Variants in CACNA1D observed in about 807,000 individuals in gnomAD.
The protein encoded by CACNA1D is voltage-dependent L-type calcium channel subunit alpha-1D.
A neutral mutation model predicts 257.1 loss-of-function variants in CACNA1D; 55 were observed. The observed-to-expected ratio is 0.21, with a 90% CI of 0.17 to 0.27. The LOEUF is 0.27. Among genes scored for constraint, CACNA1D ranks in the 10% least tolerant of loss-of-function variants. The probability of loss-of-function intolerance (pLI) is 1.00; values close to 1 mark genes in which losing one functional copy is unlikely to be tolerated. For synonymous variants in CACNA1D, 980 were observed against 1,014.9 expected (o/e 0.97, Z 0.65); for missense variants, 1,876 against 2,784.0 (o/e 0.67, Z 7.34).
chr3:53,732,244 A>G (rs1213311363), intron 18 of CACNA1D, among the ~76,000 whole-genome samples, 162 bp downstream of exon 18: 1 of 152,260 alleles, frequency 6.6e-6, no homozygotes, highest in Non-Finnish European at 1.5e-5. Context: ...TCCCATGGTC[A>G]CAGGCAGAAT....
intron 38 of CACNA1D, 85 bp downstream of exon 38, chr3:53,780,213 T>C (rs1293674160): frequency 1.8e-6 from 2 of 1,121,974 alleles, no homozygotes; most frequent in South Asian, 2.5e-5. Flanking sequence ...CTGGGCCTTT[T>C]CTTGGCCAAG....
chr3:53,651,096 G>A (rs2094087148), intron 4 of CACNA1D, 178 bp downstream of exon 4: 1 of 610,226 alleles, frequency 1.6e-6, no homozygotes, highest in Non-Finnish European at 2.9e-6. Flanking sequence ...CAGTCTCTGG[G>A]CAGATACTAG....
chr3:53,802,403 A>G lies in CACNA1D; in HGVS notation c.5435+230A>G, dbSNP rs111924405. On this transcript the variant is annotated intron_variant, in intron 43 of 47. Transcript: ENST00000350061. The stretch of plus-strand genomic sequence containing the variant: ...CATCCAAGGACTGGTGTCCACACAC[A>G]AGGTGCACCCCATGGGCTGGCTCCT... Among the ~76,000 whole-genome samples, 1,111 of 152,292 alleles carry G rather than the reference A, an allele frequency of 7.3e-3. 18 individuals carry two copies. The highest frequency in any genetic ancestry group is 0.025 in the African/African-American group (1,033 of 41,554).
intron 2 of CACNA1D, among the ~76,000 whole-genome samples, chr3:53,498,945 C>T (rs890941874): frequency 2.6e-5 from 4 of 152,076 alleles, no homozygotes; most frequent in African/African-American, 4.8e-5. Flanking sequence ...AGTCTGAGAA[C>T]GAGGAGGGAG....
At chr3:53,764,590 G>T (rs1048433950) in intron 30 of CACNA1D, among the ~76,000 whole-genome samples, 1 of 152,202 alleles carries the variant, frequency 6.6e-6, no homozygotes, top group Non-Finnish European at 1.5e-5. Flanking sequence ...GCTGGCAGGG[G>T]TGTAGCACCC....
At chr3:53,740,214 G>A (rs2095102564) in intron 20 of CACNA1D, 66 bp from the exon 21 acceptor site, 2 of 1,148,298 alleles carry the variant, frequency 1.7e-6, no homozygotes, top group African/African-American at 1.5e-5. Flanking sequence ...GTTTCTGCCT[G>A]TAAGCATGCA....
rs2095528940 is a variant in CACNA1D at position 53,800,158 on chromosome 3, C to T, written c.4924-91C>T. ...GCTTTTGGGGAAGCCTTCCTCCCCACCGCTGAATCAGGAAGGAGCAAAGCC... is the reference window on the plus strand; with the variant it reads ...GCTTTTGGGGAAGCCTTCCTCCCCATCGCTGAATCAGGAAGGAGCAAAGCC... On this transcript the variant is annotated intron_variant, in intron 40 of 47. Transcript: ENST00000350061. The surrounding 1 kb of genome is among the most constrained non-coding windows in gnomAD (Gnocchi z 4.3). The T allele has an allele frequency of 2.2e-6, 2 of 910,236 alleles. No individual in the cohort carries two copies. Among genetic ancestry groups the T allele is most frequent in the Non-Finnish European group, 1.9e-6 (1 of 538,604 alleles). 56.4% of individuals were successfully genotyped at this position (910,236 alleles called of 1,614,324 possible).
chr3:53,801,434 G>C lies in CACNA1D; in HGVS notation c.5408+9G>C. The C allele has an allele frequency of 3.7e-6, 6 of 1,613,578 alleles. No individual in the cohort carries two copies. Among genetic ancestry groups the C allele is most frequent in the Non-Finnish European group, 5.1e-6 (6 of 1,180,010 alleles). Reference sequence around the variant, plus strand: ...AGGTCCAGTGTGAAAAGGTAACCTTGACAATGTGTTTGGACTTGCTCATGT... The same window carrying C: ...AGGTCCAGTGTGAAAAGGTAACCTTCACAATGTGTTTGGACTTGCTCATGT... On this transcript the variant is annotated intron_variant, in intron 42 of 47. Coordinates refer to ENST00000350061, the MANE Select transcript of CACNA1D (RefSeq NM_001128840.3).
At chr3:53,808,800 A>C in intron 46 of CACNA1D, 30 bp downstream of exon 46, 1 of 1,599,326 alleles carries the variant, frequency 6.3e-7, no homozygotes. Context: ...TTGCCCCCAC[A>C]CCTAGGGGCA....
intron 3 of CACNA1D, among the ~76,000 whole-genome samples, chr3:53,528,595 T>C (rs759698858): frequency 3.9e-5 from 6 of 152,218 alleles, no homozygotes; most frequent in Non-Finnish European, 7.3e-5. Context: ...TTGATTGAGA[T>C]GACGTCGAAT....
At chr3:53,727,593 G>A (rs1234996100) in intron 15 of CACNA1D, among the ~76,000 whole-genome samples, 1 of 151,648 alleles carries the variant, frequency 6.6e-6, no homozygotes, top group Non-Finnish European at 1.5e-5. Context: ...TCTGGAATTG[G>A]CCCTTAGATC....
chr3:53,747,186 C>CGGGGGGG, intron 25 of CACNA1D, 116 bp from the exon 26 acceptor site: 1 of 738,424 alleles, frequency 1.4e-6, no homozygotes. Flanking sequence ...GTGTGACAGG[C>CGGGGGGG]GGGCGGACTG....
chr3:53,774,328 T>C lies in CACNA1D; in HGVS notation c.4111-259T>C. On this transcript the variant is annotated intron_variant, in intron 33 of 47. Coordinates refer to ENST00000350061, the MANE Select transcript of CACNA1D (RefSeq NM_001128840.3). The surrounding 1 kb of genome is among the most constrained non-coding windows in gnomAD (Gnocchi z 4.3). ...ATCATCACTGGGGTTTGATGTTGCC[T>C]GGCTACCTTTGTGTCTCCCCCAGGG... The C allele has an allele frequency of 4.3e-6, 2 of 469,616 alleles. No individual in the cohort carries two copies. Among genetic ancestry groups the C allele is most frequent in the Admixed American group, 6.8e-5 (2 of 29,564 alleles). The allele number at this position is 469,616 out of a possible 1,614,324, so 29.1% of individuals were successfully genotyped here.
chr3:53,786,906 G>T lies in CACNA1D; in HGVS notation c.4877G>T (p.Gly1626Val), dbSNP rs765996270. 1 of 1,614,036 alleles carries T rather than the reference G, an allele frequency of 6.2e-7. No individual in the cohort carries two copies. The change falls in exon 40 of 48, where the codon GGA becomes GTA. Residue 1626 changes from glycine (G) to valine (V), a missense_variant. Transcript: ENST00000350061. ...FRKFKKRKEQ[G>V]LVGKYPAKNT... ...AAATTCAAGAAACGGAAAGAACAAG[G>T]ACTGGTGGGAAAGTACCCTGCGAAG...
At chr3:53,735,310 C>G (rs1339675966) in intron 19 of CACNA1D, 64 bp from the exon 20 acceptor site, 2 of 1,526,108 alleles carry the variant, frequency 1.3e-6, no homozygotes. Context: ...GCCCCACACT[C>G]TTAAGGACCC....
At chr3:53,519,840 A>G (rs572667880) in intron 3 of CACNA1D, among the ~76,000 whole-genome samples, 1 of 152,286 alleles carries the variant, frequency 6.6e-6, no homozygotes, top group East Asian at 1.9e-4. Context: ...GCCCTAGGCA[A>G]TTGCTAATCT....
Position 53,810,405 on chromosome 3 carries a change from A to C in CACNA1D, c.6192+107A>C, listed in dbSNP as rs2095590929. 5.5e-6 allele frequency: 6 copies of C among 1,083,798 alleles called. No homozygotes were observed. In the Admixed American group the frequency reaches 1.1e-4, roughly 19 times the overall value. The allele number at this position is 1,083,798 out of a possible 1,614,324, so 67.1% of individuals were successfully genotyped here. On this transcript the variant is annotated intron_variant, in intron 47 of 47. Coordinates refer to ENST00000350061, the MANE Select transcript of CACNA1D (RefSeq NM_001128840.3). ...TGGGAGGGCGGCCAGGCTGTGAGCT[A>C]GGCTGCCTCAATCAGACACTTCTGA...
chr3:53,514,019 TCAGGACC>T (rs1329817035), intron 3 of CACNA1D, among the ~76,000 whole-genome samples: 1 of 152,156 alleles, frequency 6.6e-6, no homozygotes, highest in Non-Finnish European at 1.5e-5. Flanking sequence ...AATGCACTTT[TCAGGACC>T]CTGTTGTTTA....
intron 9 of CACNA1D, among the ~76,000 whole-genome samples, chr3:53,703,448 C>T (rs779059484): frequency 3.9e-5 from 6 of 152,198 alleles, no homozygotes; most frequent in African/African-American, 7.2e-5. Flanking sequence ...AGAACTCAGT[C>T]CATCACTGAC....
Sources: allele counts gnomAD v4.1 joint callset (sites outside exome capture counted in the v4.1 genomes callset), GRCh38; gene constraint gnomAD v4.1.1; non-coding constraint Gnocchi (gnomAD v3.1); transcripts MANE v1.5; gene names NCBI Gene and HGNC (gene_info 2026-07-23, HGNC 2026-07-21).